ALDH3A2: variants seen among roughly 807,000 people sequenced by gnomAD.
ALDH3A2 encodes the protein aldehyde dehydrogenase 3 family member A2.
A neutral mutation model predicts 51.3 loss-of-function variants in ALDH3A2; 36 were observed. That is an observed-to-expected ratio of 0.70 (90% CI 0.54 to 0.93). The LOEUF (loss-of-function observed/expected upper bound fraction) is 0.93. ALDH3A2 is among the 40% of genes least tolerant of loss of function. The pLI, the probability that ALDH3A2 is intolerant of heterozygous loss-of-function variation, is 0.00. For missense variants in ALDH3A2, 552 were observed against 603.1 expected, an observed-to-expected ratio of 0.92 and a Z score of 0.89; for synonymous variants, 199 against 219.8, an observed-to-expected ratio of 0.91 and a Z score of 0.84.
At chr17:19,657,402 C>T (rs2084911273) in intron 4 of ALDH3A2, among the ~76,000 whole-genome samples, 1 of 152,184 alleles carries the variant, frequency 6.6e-6, no homozygotes, top group African/African-American at 2.4e-5. Context: ...TCTGGTCATC[C>T]AGGACTTTCC....
upstream of ALDH3A2, chr17:19,648,416 G>T (rs1016835107): frequency 1.9e-5 from 3 of 154,148 alleles, no homozygotes; most frequent in African/African-American, 7.2e-5. Context: ...GTGCCAGAGC[G>T]GAGACTGCTC....
At chr17:19,659,538 C>T (rs2084939994) in intron 5 of ALDH3A2, 1 of 150,910 alleles carries the variant, frequency 6.6e-6, no homozygotes, top group Non-Finnish European at 1.5e-5. Context: ...GACTCTGTCT[C>T]AAAAAAACAA....
rs762486151 is a variant in ALDH3A2 at position 19,656,589 on chromosome 17, C to CT, written c.680+16dup. The CT allele has an allele frequency of 3.1e-6, 5 of 1,597,432 alleles. No homozygotes were observed. In the Admixed American group the frequency reaches 8.7e-5, roughly 28 times the overall value. On this transcript the variant is annotated intron_variant, in intron 4 of 9. Transcript: ENST00000176643. ...ATTGTTTGCAGGTGAGTCTGGCTCT[C>CT]TGATTTTCTGAGGTTTTCCCAGCAC...
chr17:19,658,626 C>T (rs1395198880), intron 5 of ALDH3A2, among the ~76,000 whole-genome samples: 1 of 151,806 alleles, frequency 6.6e-6, no homozygotes, highest in Non-Finnish European at 1.5e-5. Flanking sequence ...ACTCAGGAGG[C>T]TAAGGCACGA....
rs184483166 is a variant in ALDH3A2, at chr17:19,670,737, A to G, written c.1208-984A>G. On this transcript the variant is annotated intron_variant, in intron 8 of 9. Coordinates refer to ENST00000176643, the MANE Select transcript of ALDH3A2 (RefSeq NM_000382.3). ...GCCACCACGTCCAACTAATTTTTGT[A>G]TTTTTAGTAGAGACGGGATTTAACG... 4.6e-4 allele frequency among the ~76,000 whole-genome samples: 70 copies of G among 152,216 alleles called. 1 individual carries two copies. The highest frequency in any genetic ancestry group is 4.1e-3 in the Admixed American group (63 of 15,288).
At chr17:19,665,189 A>G (rs759586893) in intron 8 of ALDH3A2, 142 bp downstream of exon 8, 1 of 763,770 alleles carries the variant, frequency 1.3e-6, no homozygotes, top group African/African-American at 1.7e-5. Context: ...CTGGTCACCC[A>G]GTTGACTGGT....
At chr17:19,660,201 T>A (rs1324467253) in intron 5 of ALDH3A2, among the ~76,000 whole-genome samples, 1 of 152,164 alleles carries the variant, frequency 6.6e-6, no homozygotes, top group African/African-American at 2.4e-5. Context: ...AAGCTACATG[T>A]TACCCTAGTG....
chr17:19,663,012 A>G (rs1450006322), intron 6 of ALDH3A2, among the ~76,000 whole-genome samples: 1 of 152,214 alleles, frequency 6.6e-6, no homozygotes, highest in East Asian at 1.9e-4. Context: ...TCTCAAAAAA[A>G]AAACCTGTCC....
chr17:19,657,239 G>A (rs370313407), intron 4 of ALDH3A2, among the ~76,000 whole-genome samples: 111 of 152,372 alleles, frequency 7.3e-4, no homozygotes, highest in African/African-American at 2.6e-3. Context: ...TTTAGGGCAT[G>A]GGTTTCTGCC....
At chr17:19,652,196 A>G (rs1042096662) in intron 2 of ALDH3A2, among the ~76,000 whole-genome samples, 1 of 152,218 alleles carries the variant, frequency 6.6e-6, no homozygotes, top group African/African-American at 2.4e-5. Context: ...TTAATTTCTC[A>G]CTTTGCAGGA....
chr17:19,654,077 T>G lies in ALDH3A2; in HGVS notation c.471+1445T>G, dbSNP rs1402338127. 6.6e-6 allele frequency among the ~76,000 whole-genome samples: 1 copy of G among 152,212 alleles called. No homozygotes were observed. Among genetic ancestry groups the G allele is most frequent in the Non-Finnish European group, 1.5e-5 (1 of 68,034 alleles). ...ACTGGTGCTTTTACAATCCTCTAGC[T>G]AGACATAAAAGTTCTCCAAATCCCC... is the stretch of plus-strand genomic sequence containing the variant. On this transcript the variant is annotated intron_variant, in intron 3 of 9. Transcript: ENST00000176643. The surrounding 1 kb of genome is among the most constrained non-coding windows in gnomAD (Gnocchi z 4.5).
chr17:19,673,310 T>C (rs767078855), intron 9 of ALDH3A2: 4 of 1,609,820 alleles, frequency 2.5e-6, no homozygotes, highest in Non-Finnish European at 3.4e-6. Context: ...ATATGTAAGG[T>C]GGGCCAAGTT....
chr17:19,662,311 C>T (rs1341044390), intron 6 of ALDH3A2, among the ~76,000 whole-genome samples: 2 of 152,186 alleles, frequency 1.3e-5, no homozygotes, highest in East Asian at 3.8e-4. Context: ...AATTGTTTCT[C>T]TGACCTGAGG....
intron 3 of ALDH3A2, among the ~76,000 whole-genome samples, chr17:19,653,254 A>C (rs1328231404): frequency 6.6e-6 from 1 of 152,048 alleles, no homozygotes; most frequent in East Asian, 1.9e-4. Context: ...CGTGTTGGTC[A>C]GGCTGGTCTC....
chr17:19,673,165 G>A (rs2085141144), intron 9 of ALDH3A2: 1 of 1,614,082 alleles, frequency 6.2e-7, no homozygotes, highest in Non-Finnish European at 8.5e-7. Flanking sequence ...ACCAAGCTGT[G>A]CTGAGGAGAA....
chr17:19,648,997 G>T lies in ALDH3A2; in HGVS notation c.26G>T (p.Arg9Leu). 1 of 1,585,664 alleles carries T rather than the reference G, an allele frequency of 6.3e-7. No individual in the cohort carries two copies. The highest frequency in any genetic ancestry group is 8.6e-7 in the Non-Finnish European group (1 of 1,166,862). Residue 9 changes from arginine (R) to leucine (L), a missense_variant, in exon 1 of 10, where the codon CGA (arginine) becomes CTA (leucine). Transcript: ENST00000176643. MELEVRRVRQAFLSGRSRP... is the reference protein window; with the variant it reads MELEVRRVLQAFLSGRSRP... ...ATGGAGCTCGAAGTCCGGCGGGTCC[G>T]ACAGGCGTTCCTGTCCGGCCGGTCG...
chr17:19,653,600 G>A (rs1244619711), intron 3 of ALDH3A2, among the ~76,000 whole-genome samples: 4 of 151,906 alleles, frequency 2.6e-5, no homozygotes, highest in Non-Finnish European at 4.4e-5. Context: ...GTCTGGAGTT[G>A]TTCATTCCTC....
intron 3 of ALDH3A2, 47 bp downstream of exon 3, chr17:19,652,679 AAC>A: frequency 6.9e-7 from 1 of 1,455,382 alleles, no homozygotes. Context: ...TACTGTGGAA[AAC>A]ACACATTTTA....
chr17:19,656,250 G>A, intron 3 of ALDH3A2, 116 bp from the exon 4 acceptor site: 1 of 956,570 alleles, frequency 1.0e-6, no homozygotes, highest in Non-Finnish European at 1.7e-6. Flanking sequence ...ACAGGGACTG[G>A]TCTTGACACT....
Sources: allele counts gnomAD v4.1 joint callset (sites outside exome capture counted in the v4.1 genomes callset), GRCh38; gene constraint gnomAD v4.1.1; non-coding constraint Gnocchi (gnomAD v3.1); transcripts MANE v1.5; gene names NCBI Gene and HGNC (gene_info 2026-07-23, HGNC 2026-07-21).